The following STRBP variants were observed in gnomAD, a reference collection of about 807,000 sequenced individuals.
STRBP encodes spermatid perinuclear RNA-binding protein.
In STRBP, 13 loss-of-function variants were observed where a neutral mutation model predicts 80.1. The ratio of observed to expected loss-of-function variants is 0.16; its 90% CI spans 0.11 to 0.26. The LOEUF (loss-of-function observed/expected upper bound fraction) is 0.26. Among genes scored for constraint, STRBP ranks in the 10% least tolerant of loss-of-function variants. The pLI is 1.00. For missense variants in STRBP, 485 were observed against 815.2 expected (o/e 0.59, Z 4.93); for synonymous variants, 284 against 291.2 (o/e 0.98, Z 0.25).
At chr9:123,183,609 G>A (rs1013112452) in intron 3 of STRBP, among the ~76,000 whole-genome samples, 5 of 152,058 alleles carry the variant, frequency 3.3e-5, no homozygotes, top group African/African-American at 1.2e-4. Context: ...ATTTAAGTCT[G>A]AACTCTTCCC....
Position 123,136,323 on chromosome 9 carries a change from C to T in STRBP, c.1632+58G>A. ...TCAGTCTAAAACTTTACATTAAGTT[C>T]AGGATATCCTATGTCTTTGAGAAGA... On this transcript the variant is annotated intron_variant, in intron 15 of 18. Coordinates refer to ENST00000348403, the MANE Select transcript of STRBP (RefSeq NM_018387.5). The surrounding 1 kb of genome is among the most constrained non-coding windows in gnomAD (Gnocchi z 4.2). 3 of 1,603,706 alleles carry T rather than the reference C, an allele frequency of 1.9e-6. No individual in the cohort carries two copies. Among genetic ancestry groups the T allele is most frequent in the South Asian group, 1.1e-5 (1 of 89,598 alleles).
At position 123,123,044 on chromosome 9, in the gene STRBP, T is replaced by G; in HGVS notation, c.*2553A>C. 6.1e-6 allele frequency: 6 copies of G among 985,438 alleles called. No homozygotes were observed. The highest frequency in any genetic ancestry group is 4.8e-6 in the Non-Finnish European group (4 of 829,940). 61.0% of individuals were successfully genotyped at this position (985,438 alleles called of 1,614,324 possible). A position where few individuals can be genotyped will look rare whatever the true frequency, so the allele number is the denominator to read the frequency against. ...CAGAGTGGAGTGTCTGAAAGCTGGA[T>G]AGCCTCAGGGTGTCACATTGCTCTT... On this transcript the variant is annotated 3_prime_UTR_variant, in exon 19 of 19. Transcript: ENST00000348403.
chr9:123,179,312 C>T lies in STRBP; in HGVS notation c.4-85G>A, dbSNP rs1180651319. 12 of 1,129,218 alleles carry T rather than the reference C, an allele frequency of 1.1e-5. No homozygotes were observed. The Middle Eastern group carries it at 8.9e-4, about 83-fold the overall frequency. 69.9% of individuals were successfully genotyped at this position (1,129,218 alleles called of 1,614,324 possible). A position where few individuals can be genotyped will look rare whatever the true frequency, so the allele number is the denominator to read the frequency against. ...GATATACAACTATATCTTTAGCCAA[C>T]CCATAGCACTGACTGTCTACTGTGA... On this transcript the variant is annotated intron_variant, in intron 3 of 18. Transcript: ENST00000348403.
intron 11 of STRBP, 102 bp from the exon 12 acceptor site, chr9:123,147,972 A>G (rs572464340): frequency 4.1e-5 from 41 of 994,254 alleles, no homozygotes; most frequent in Non-Finnish European, 5.8e-5. Flanking sequence ...TAGGAATCAC[A>G]CCAAGGACCA....
chr9:123,126,360 CA>C lies in STRBP; in HGVS notation c.1943-688del, dbSNP rs1207649908. Among the ~76,000 whole-genome samples, 5 of 152,108 alleles carry C rather than the reference CA, an allele frequency of 3.3e-5. No homozygotes were observed. Among genetic ancestry groups the C allele is most frequent in the African/African-American group, 1.2e-4 (5 of 41,410 alleles). ...CCACATGCAACAGCTTTACAAAGGC[CA>C]AAAGACATATTTACCTTACAGCCAA... is the stretch of plus-strand genomic sequence containing the variant. On this transcript the variant is annotated intron_variant, in intron 18 of 18. Transcript: ENST00000348403. This position sits in a 1 kb window ranked among gnomAD's most constrained non-coding sequence, Gnocchi z 4.4.
intron 1 of STRBP, among the ~76,000 whole-genome samples, chr9:123,257,016 G>C (rs2041047646): frequency 6.6e-6 from 1 of 150,914 alleles, no homozygotes; most frequent in South Asian, 2.1e-4. Flanking sequence ...AACTCATAAA[G>C]ATAGTCCTGA....
chr9:123,184,700 A>G (rs553615527), intron 2 of STRBP, among the ~76,000 whole-genome samples: 4 of 152,374 alleles, frequency 2.6e-5, no homozygotes, highest in Non-Finnish European at 5.9e-5. Context: ...ACCTGAAAAT[A>G]CAACAATACC....
At chr9:123,226,104 A>C (rs2040226747) in intron 2 of STRBP, among the ~76,000 whole-genome samples, 1 of 152,154 alleles carries the variant, frequency 6.6e-6, no homozygotes, top group East Asian at 1.9e-4. Context: ...AAAGAAATGC[A>C]CTCCTGATAC....
intron 17 of STRBP, among the ~76,000 whole-genome samples, chr9:123,130,607 G>A (rs1482863642): frequency 6.6e-6 from 1 of 152,024 alleles, no homozygotes; most frequent in Non-Finnish European, 1.5e-5. Context: ...TCTATAACCC[G>A]CCTATTATTG....
At position 123,126,405 on chromosome 9, in the gene STRBP, T is replaced by A. The variant is rs915166259; in HGVS notation, c.1943-732A>T. Among the ~76,000 whole-genome samples, 2 of 152,182 alleles carry A rather than the reference T, an allele frequency of 1.3e-5. No homozygotes were observed. Among genetic ancestry groups the A allele is most frequent in the Non-Finnish European group, 2.9e-5 (2 of 68,024 alleles). On this transcript the variant is annotated intron_variant, in intron 18 of 18. Transcript: ENST00000348403. The surrounding 1 kb of genome is among the most constrained non-coding windows in gnomAD (Gnocchi z 4.4). Reference sequence around the variant, plus strand: ...CAGCCAAAATAAAGCATCGTTTTAGTAGGTTTGCATCACAGTAACATTTAA... The same window carrying A: ...CAGCCAAAATAAAGCATCGTTTTAGAAGGTTTGCATCACAGTAACATTTAA...
chr9:123,208,962 A>G (rs1285968193), intron 2 of STRBP, among the ~76,000 whole-genome samples: 1 of 152,104 alleles, frequency 6.6e-6, no homozygotes, highest in Non-Finnish European at 1.5e-5. Flanking sequence ...CTGCCTCCTC[A>G]ACATGGTTAG....
intron 1 of STRBP, among the ~76,000 whole-genome samples, chr9:123,237,293 C>G (rs1178695170): frequency 6.6e-6 from 1 of 152,098 alleles, no homozygotes; most frequent in Non-Finnish European, 1.5e-5. Context: ...TTCCAAATAA[C>G]AGAGTTGTAG....
At chr9:123,257,821 AAAT>A (rs925389542) in intron 1 of STRBP, among the ~76,000 whole-genome samples, 11 of 151,944 alleles carry the variant, frequency 7.2e-5, no homozygotes, top group African/African-American at 2.7e-4. Context: ...TGTCTCAAAA[AAAT>A]AATAATAATT....
intron 1 of STRBP, among the ~76,000 whole-genome samples, chr9:123,266,929 C>T (rs1179248289): frequency 6.6e-6 from 1 of 151,924 alleles, no homozygotes; most frequent in Non-Finnish European, 1.5e-5. Flanking sequence ...TCCCTCCCTC[C>T]ACCTACTGTA....
intron 2 of STRBP, among the ~76,000 whole-genome samples, chr9:123,215,546 A>C (rs1482100274): frequency 4.6e-5 from 7 of 152,186 alleles, no homozygotes; most frequent in Admixed American, 4.6e-4. Flanking sequence ...GTAATCCCAA[A>C]AATTTGGGAG....
chr9:123,170,485 T>TTA (rs891284328), intron 5 of STRBP, among the ~76,000 whole-genome samples: 24 of 152,168 alleles, frequency 1.6e-4, no homozygotes, highest in Admixed American at 5.9e-4. Context: ...TGGCAAAAAC[T>TTA]TATGAATATA....
chr9:123,179,947 A>C (rs1317000957), intron 3 of STRBP, among the ~76,000 whole-genome samples: 1 of 152,078 alleles, frequency 6.6e-6, no homozygotes, highest in East Asian at 1.9e-4. Flanking sequence ...AAAGACTTCT[A>C]ACCTTAGAAA....
chr9:123,184,241 C>T lies in STRBP; in HGVS notation c.-107G>A. 1 of 1,092,472 alleles carries T rather than the reference C, an allele frequency of 9.2e-7. No individual in the cohort carries two copies. Among genetic ancestry groups the T allele is most frequent in the Non-Finnish European group, 1.3e-6 (1 of 746,824 alleles). 67.7% of individuals were successfully genotyped at this position (1,092,472 alleles called of 1,614,324 possible). On this transcript the variant is annotated 5_prime_UTR_variant, in exon 3 of 19. Transcript: ENST00000348403. ...CAATACCTCCTCATAAGCCTGAGTC[C>T]CCTGACAGCTCAGCGTCAATATAGC...
intron 5 of STRBP, among the ~76,000 whole-genome samples, chr9:123,173,177 T>A (rs551661296): frequency 4.6e-5 from 7 of 152,248 alleles, no homozygotes; most frequent in Admixed American, 1.3e-4. Context: ...TGCATCCCAG[T>A]GTAAAAAAGG....
Sources: allele counts gnomAD v4.1 joint callset (sites outside exome capture counted in the v4.1 genomes callset), GRCh38; gene constraint gnomAD v4.1.1; non-coding constraint Gnocchi (gnomAD v3.1); transcripts MANE v1.5; gene names NCBI Gene and HGNC (gene_info 2026-07-23, HGNC 2026-07-21).